SASH1: variants seen among roughly 807,000 people sequenced by gnomAD.
The protein encoded by SASH1 is SAM and SH3 domain containing 1, also known as SAM and SH3 domain-containing protein 1.
SASH1 carries 44 observed loss-of-function variants against 125.2 expected under a neutral mutation model. The ratio of observed to expected loss-of-function variants is 0.35; its 90% CI spans 0.28 to 0.45. The LOEUF (loss-of-function observed/expected upper bound fraction) is 0.45, where lower values mean the gene tolerates loss of function less well. Ranked by LOEUF, SASH1 falls within the 20% of genes least tolerant of loss-of-function variation. SASH1 has a pLI of 1.00. For synonymous variants in SASH1, 639 were observed against 649.1 expected, an observed-to-expected ratio of 0.98 and a Z score of 0.24; for missense variants, 1,426 against 1,614.5, an observed-to-expected ratio of 0.88 and a Z score of 2.00.
intron 4 of SASH1, among the ~76,000 whole-genome samples, chr6:148,454,470 C>T (rs114454507): frequency 5.0e-4 from 76 of 152,290 alleles, no homozygotes; most frequent in African/African-American, 1.8e-3. Flanking sequence ...GACTCCAAAT[C>T]GTCACAGGTT....
chr6:148,516,883 C>G (rs1039162221), intron 9 of SASH1, among the ~76,000 whole-genome samples: 3 of 152,148 alleles, frequency 2.0e-5, no homozygotes, highest in African/African-American at 7.2e-5. Context: ...CCTCGGAAAG[C>G]CAGGAGAGAG....
chr6:148,257,879 T>C, the SASH1 span, among the ~76,000 whole-genome samples: 2 of 152,288 alleles, frequency 1.3e-5, no homozygotes, highest in Admixed American at 1.3e-4. Context: ...TCCGCCCACC[T>C]TGGCCTCCCA....
chr6:148,454,629 G>A (rs1406567070), intron 4 of SASH1, among the ~76,000 whole-genome samples: 1 of 152,134 alleles, frequency 6.6e-6, no homozygotes, highest in African/African-American at 2.4e-5. Flanking sequence ...GGCCTAGCTG[G>A]TGGAAGGCTT....
At chr6:148,487,058 T>TA (rs1317430006) in intron 7 of SASH1, among the ~76,000 whole-genome samples, 6 of 131,722 alleles carry the variant, frequency 4.6e-5, no homozygotes, top group Non-Finnish European at 9.5e-5. Flanking sequence ...TATATATATG[T>TA]AAAAAACAAA....
rs755025565 is a variant in SASH1 at position 148,544,001 on chromosome 6, A to T, written c.2531A>T (p.Gln844Leu). Residue 844 changes from glutamine (Q) to leucine (L), a missense_variant, in exon 18 of 20, where the codon CAA (glutamine) becomes CTA (leucine). Transcript: ENST00000367467. The surrounding 1 kb of genome is among the most constrained non-coding windows in gnomAD (Gnocchi z 6.4). ...CGATCCCATTCCCTGGATGACCTTC[A>T]AGTGGAGCCTGGTGCTGAGCAAGAC... Reference protein sequence around the residue: ...WPRSHSLDDLQVEPGAEQDVP... With the variant: ...WPRSHSLDDLLVEPGAEQDVP... 1 of 1,614,146 alleles carries T rather than the reference A, an allele frequency of 6.2e-7. No individual in the cohort carries two copies. The highest frequency in any genetic ancestry group is 8.5e-7 in the Non-Finnish European group (1 of 1,180,030).
chr6:148,516,504 C>T (rs1780449348), intron 9 of SASH1, among the ~76,000 whole-genome samples: 1 of 133,194 alleles, frequency 7.5e-6, no homozygotes, highest in African/African-American at 2.7e-5. Context: ...CCTCCCCCCT[C>T]CCCCCTCCCC....
At chr6:148,429,964 G>T (rs1775998565) in intron 2 of SASH1, among the ~76,000 whole-genome samples, 1 of 152,174 alleles carries the variant, frequency 6.6e-6, no homozygotes, top group South Asian at 2.1e-4. Flanking sequence ...TCTAGTTGAG[G>T]AAAACCAGTA....
chr6:148,440,599 G>T (rs927092515), intron 4 of SASH1, 192 bp downstream of exon 4: 27 of 584,484 alleles, frequency 4.6e-5, no homozygotes, highest in Non-Finnish European at 7.9e-5. Flanking sequence ...AGTTGGTGAT[G>T]TCTGAGGATT....
chr6:148,469,617 C>T (rs139490108), intron 5 of SASH1, among the ~76,000 whole-genome samples: 10,360 of 152,224 alleles, frequency 0.068, 460 homozygotes, highest in Non-Finnish European at 0.099. Flanking sequence ...CCTGTAGTCC[C>T]AGCTACTTGG....
intron 8 of SASH1, among the ~76,000 whole-genome samples, chr6:148,494,591 C>T (rs1477658629): frequency 6.6e-6 from 1 of 152,114 alleles, no homozygotes; most frequent in Non-Finnish European, 1.5e-5. Flanking sequence ...CACGCCACTG[C>T]TCTCCAGCCT....
chr6:148,461,602 A>G, intron 4 of SASH1, among the ~76,000 whole-genome samples: 1 of 152,044 alleles, frequency 6.6e-6, no homozygotes, highest in South Asian at 2.1e-4. Context: ...CTTACACCAA[A>G]TCAACACCAA....
chr6:148,490,058 G>A, intron 8 of SASH1, among the ~76,000 whole-genome samples: 1 of 110,238 alleles, frequency 9.1e-6, no homozygotes. Flanking sequence ...CATGTCTTCT[G>A]CAAAAAATAA....
At chr6:148,229,512 G>A in the SASH1 span, among the ~76,000 whole-genome samples, 29 of 151,956 alleles carry the variant, frequency 1.9e-4, no homozygotes, top group Non-Finnish European at 4.0e-4. Flanking sequence ...TATGATAGAG[G>A]TGAACAAACA....
rs573720431 is a variant in SASH1, at chr6:148,329,121, A to G, written n.74+56744A>G. Among the ~76,000 whole-genome samples the G allele has an allele frequency of 3.9e-5, 6 of 152,324 alleles. No individual in the cohort carries two copies. In the East Asian group the frequency reaches 1.2e-3, roughly 29 times the overall value. ...AGACTGTCCAAATGACCTCATTTCT[A>G]GAACAAGGCTTCTTTGTTAAGTGTC... On this transcript the variant is annotated intron_variant and non_coding_transcript_variant, in intron 1 of 3. Transcript: ENST00000367469.
Position 148,458,415 on chromosome 6 carries a change from A to G in SASH1, c.387-10130A>G, listed in dbSNP as rs541033239. On this transcript the variant is annotated intron_variant, in intron 4 of 19. Coordinates refer to ENST00000367467, the MANE Select transcript of SASH1 (RefSeq NM_015278.5). ...AACAAGGTGTACTGCTACCCCAAACAAACTCGGGACTCTGTAAGTAAGAAA... is the reference window on the plus strand; with the variant it reads ...AACAAGGTGTACTGCTACCCCAAACGAACTCGGGACTCTGTAAGTAAGAAA... Among the ~76,000 whole-genome samples, 154 of 152,310 alleles carry G rather than the reference A, an allele frequency of 1.0e-3. 1 individual carries two copies. Among genetic ancestry groups the G allele is most frequent in the African/African-American group, 3.6e-3 (148 of 41,564 alleles).
intron 1 of SASH1, among the ~76,000 whole-genome samples, chr6:148,371,966 T>C (rs894146292): frequency 2.6e-5 from 4 of 152,114 alleles, no homozygotes; most frequent in African/African-American, 9.7e-5. Flanking sequence ...TTGCAAAAAA[T>C]TATCCAGAGT....
chr6:148,302,482 G>A (rs1405525060), intron 1 of SASH1, among the ~76,000 whole-genome samples: 2 of 151,588 alleles, frequency 1.3e-5, no homozygotes, highest in African/African-American at 4.8e-5. Context: ...CATGATACTT[G>A]TGTTAAAGAG....
At chr6:148,275,937 T>C (rs1337132490) in intron 1 of SASH1, among the ~76,000 whole-genome samples, 1 of 152,158 alleles carries the variant, frequency 6.6e-6, no homozygotes, top group Non-Finnish European at 1.5e-5. Context: ...CCCAGGCTTA[T>C]CTTAAACTCC....
chr6:148,343,093 C>CGGGGCCGGAGCCT lies in SASH1; in HGVS notation c.28_40dup (p.Glu14GlyfsTer5). The CGGGGCCGGAGCCT allele has an allele frequency of 6.5e-7, 1 of 1,546,910 alleles. No individual in the cohort carries two copies. Among genetic ancestry groups the CGGGGCCGGAGCCT allele is most frequent in the East Asian group, 2.4e-5 (1 of 41,628 alleles). ...ATGGAGGACGCGGGAGCAGCTGGCC[C>CGGGGCCGGAGCCT]GGGGCCGGAGCCTGAGCCCGAGCCC... On this transcript the variant is annotated frameshift_variant, in exon 1 of 20. Coordinates refer to ENST00000367467, the MANE Select transcript of SASH1 (RefSeq NM_015278.5). LOFTEE classifies it high-confidence loss of function.
Sources: allele counts gnomAD v4.1 joint callset (sites outside exome capture counted in the v4.1 genomes callset), GRCh38; gene constraint gnomAD v4.1.1; non-coding constraint Gnocchi (gnomAD v3.1); transcripts MANE v1.5; gene names NCBI Gene and HGNC (gene_info 2026-07-23, HGNC 2026-07-21).